The following FKRP variants were observed in gnomAD, a reference collection of about 807,000 sequenced individuals.
FKRP encodes the protein ribitol 5-phosphate transferase FKRP.
FKRP carries 25 observed loss-of-function variants against 30.6 expected under a neutral mutation model. That is an observed-to-expected ratio of 0.82 (90% CI 0.60 to 1.14). The LOEUF (loss-of-function observed/expected upper bound fraction) is 1.14, where lower values mean the gene tolerates loss of function less well. FKRP is among the 50% of genes most tolerant of loss of function. FKRP has a pLI of 0.00. For missense variants in FKRP, 771 were observed against 727.8 expected (o/e 1.06, Z -0.68); for synonymous variants, 358 against 342.5 (o/e 1.05, Z -0.50).
At chr19:46,754,094 T>G (rs1250921200) in intron 3 of FKRP, 1 of 152,296 alleles carries the variant, frequency 6.6e-6, no homozygotes, top group Admixed American at 6.6e-5. Flanking sequence ...GGTCTCACTC[T>G]TGTCCAGGCT....
chr19:46,756,145 C>T lies in FKRP; in HGVS notation c.695C>T (p.Ala232Val), dbSNP rs1340082198. 2.0e-6 allele frequency: 3 copies of T among 1,477,662 alleles called. No individual in the cohort carries two copies. The highest frequency in any genetic ancestry group is 2.7e-6 in the Non-Finnish European group (3 of 1,122,720). The allele number at this position is 1,477,662 out of a possible 1,614,324, so 91.5% of individuals were successfully genotyped here. Residue 232 changes from alanine to valine, a missense_variant, in exon 4 of 4, where the codon GCG becomes GTG. Transcript: ENST00000318584. This position sits in a 1 kb window ranked among gnomAD's most constrained non-coding sequence, Gnocchi z 6.6. The part of the protein sequence containing the change: ...LFLQTALRGW[A>V]VQLLDLTFAA... The stretch of plus-strand genomic sequence containing the variant: ...CTGCAGACCGCCCTTCGCGGCTGGG[C>T]GGTGCAGCTGCTGGACTTGACCTTC...
intron 1 of FKRP, chr19:46,746,462 G>C: frequency 1.0e-6 from 1 of 989,556 alleles, no homozygotes; most frequent in East Asian, 1.1e-4. Context: ...CGCGCCCGCT[G>C]TGCCTCGCGC....
chr19:46,755,724 G>T lies in FKRP; in HGVS notation c.274G>T (p.Ala92Ser), dbSNP rs1232466626. The change falls in exon 4 of 4, where the codon GCC (alanine) becomes TCC (serine). Residue 92 changes from alanine to serine, a missense_variant. Ala to Ser is a moderately conservative substitution (Grantham distance 99, BLOSUM62 1). Transcript: ENST00000318584. The part of the protein sequence containing the change: ...AADTLPYPPL[A>S]LPRIPNVRLA... ...CGACACGCTCCCCTACCCGCCCCTG[G>T]CCCTGCCCCGCATCCCCAACGTGCG... 4.5e-6 allele frequency: 7 copies of T among 1,572,816 alleles called. No individual in the cohort carries two copies. Among genetic ancestry groups the T allele is most frequent in the Non-Finnish European group, 6.0e-6 (7 of 1,166,708 alleles).
In FKRP at chr19:46,756,753, C is replaced by T; in HGVS notation, c.1303C>T (p.His435Tyr). 6.2e-7 allele frequency: 1 copy of T among 1,606,874 alleles called. No homozygotes were observed. The highest frequency in any genetic ancestry group is 2.2e-5 in the East Asian group (1 of 44,570). ...GVMTKDTWLD[H>Y]RQDVEFPEHF... ...CATGACCAAGGACACGTGGCTGGAC[C>T]ACCGGCAGGATGTGGAGTTTCCCGA... is the stretch of plus-strand genomic sequence containing the variant. The change falls in exon 4 of 4, where the codon CAC (histidine) becomes TAC (tyrosine). Residue 435 changes from histidine to tyrosine, a missense_variant. His to Tyr is a moderately conservative substitution (Grantham distance 83). Coordinates refer to ENST00000318584, the MANE Select transcript of FKRP (RefSeq NM_024301.5). The surrounding 1 kb of genome is among the most constrained non-coding windows in gnomAD (Gnocchi z 6.6).
In FKRP at chr19:46,756,100, C is replaced by A. The variant is rs1311771582; in HGVS notation, c.650C>A (p.Pro217Gln). Residue 217 changes from proline to glutamine, a missense_variant, in exon 4 of 4, where the codon CCG (proline) becomes CAG (glutamine). Transcript: ENST00000318584. The surrounding 1 kb of genome is among the most constrained non-coding windows in gnomAD (Gnocchi z 6.6). ...LFNLSAPLAR[P>Q]VGTSLFLQTA... Reference sequence around the variant, plus strand: ...AACCTCTCGGCGCCCCTGGCCCGGCCGGTGGGCACCAGCCTCTTTCTGCAG... The same window carrying A: ...AACCTCTCGGCGCCCCTGGCCCGGCAGGTGGGCACCAGCCTCTTTCTGCAG... The A allele has an allele frequency of 3.9e-6, 6 of 1,533,280 alleles. No individual in the cohort carries two copies. The highest frequency in any genetic ancestry group is 5.2e-6 in the Non-Finnish European group (6 of 1,149,602). 95.0% of individuals were successfully genotyped at this position (1,533,280 alleles called of 1,614,324 possible). A position where few individuals can be genotyped will look rare whatever the true frequency, so the allele number is the denominator to read the frequency against.
Position 46,746,070 on chromosome 19 carries a change from T to C in FKRP, c.-273T>C, listed in dbSNP as rs1289730762. The C allele has an allele frequency of 2.5e-6, 3 of 1,216,454 alleles. No individual in the cohort carries two copies. The highest frequency in any genetic ancestry group is 3.3e-5 in the African/African-American group (2 of 60,118). The allele number at this position is 1,216,454 out of a possible 1,614,324, so 75.4% of individuals were successfully genotyped here. ...CGTCCCGGCGGCCATTGCTCCAAGA[T>C]GGCGGCGGCGGCGGCAGCGGGTGAG... On this transcript the variant is annotated 5_prime_UTR_variant, in exon 1 of 4. The change abolishes an upstream ATG in the 5' untranslated region. Coordinates refer to ENST00000318584, the MANE Select transcript of FKRP (RefSeq NM_024301.5).
chr19:46,757,275 C>A lies in FKRP; in HGVS notation c.*337C>A. 4.6e-6 allele frequency: 2 copies of A among 439,174 alleles called. No homozygotes were observed. Among genetic ancestry groups the A allele is most frequent in the Non-Finnish European group, 8.8e-6 (2 of 227,294 alleles). The allele number at this position is 439,174 out of a possible 1,614,324, so 27.2% of individuals were successfully genotyped here. ...CAGCCCCAGACCCGAAAAAAGTGTT[C>A]TGCCCAAGATTCCGAGAGCCCTGCG... On this transcript the variant is annotated 3_prime_UTR_variant, in exon 4 of 4. Transcript: ENST00000318584.
chr19:46,746,137 G>A, intron 1 of FKRP, 47 bp downstream of exon 1: 2 of 1,504,188 alleles, frequency 1.3e-6, no homozygotes, highest in Non-Finnish European at 8.8e-7. Flanking sequence ...GGGGTCCCGG[G>A]ACAGCGCTCA....
intron 3 of FKRP, among the ~76,000 whole-genome samples, chr19:46,751,555 AT>A (rs1226341140): frequency 0.058 from 5,067 of 87,900 alleles, 86 homozygotes; most frequent in Middle Eastern, 0.13. Context: ...ACTTTTTTGT[AT>A]TTTTTTTTTT....
At chr19:46,746,309 G>C (rs749699244) in intron 1 of FKRP, 12 of 1,370,882 alleles carry the variant, frequency 8.8e-6, no homozygotes, top group Non-Finnish European at 1.1e-5. Context: ...TGCCGGGCCC[G>C]GCCCGGGGGC....
At position 46,753,233 on chromosome 19, in the gene FKRP, C is replaced by T. The variant is rs1040946382; in HGVS notation, c.-39-2179C>T. ...GTAATCCCAGCACTTTGGGAGGCCA[C>T]GGCGGGTGGATCACCTGAGGTCAGG... On this transcript the variant is annotated intron_variant, in intron 3 of 3. Transcript: ENST00000318584. Among the ~76,000 whole-genome samples the T allele has an allele frequency of 1.9e-4, 29 of 149,342 alleles. No individual in the cohort carries two copies. In the East Asian group the frequency reaches 4.4e-3, roughly 22 times the overall value.
At chr19:46,749,036 C>T (rs992744243) in intron 3 of FKRP, 1 of 152,248 alleles carries the variant, frequency 6.6e-6, no homozygotes, top group African/African-American at 2.4e-5. Flanking sequence ...AGCCACCACA[C>T]GTGGCCCTGT....
rs1364256798 is a variant in FKRP at position 46,755,670 on chromosome 19, G to A, written c.220G>A (p.Asp74Asn). Residue 74 changes from aspartate (D) to asparagine (N), a missense_variant, in exon 4 of 4, where the codon GAC becomes AAC. Transcript: ENST00000318584. ...GCTGGTAGACTCCTTCCTGCAGCAAGACCCAGCCCAGCCCGTGGTGGTGGC... is the reference window on the plus strand; with the variant it reads ...GCTGGTAGACTCCTTCCTGCAGCAAAACCCAGCCCAGCCCGTGGTGGTGGC... ...PELVDSFLQQ[D>N]PAQPVVVAAD... is the part of the protein sequence containing the mutation. The A allele has an allele frequency of 2.5e-6, 4 of 1,594,530 alleles. 1 individual carries two copies. The highest frequency in any genetic ancestry group is 2.2e-5 in the South Asian group (2 of 89,716).
At chr19:46,746,030 C>CG (rs2054587878), upstream of FKRP, 2 of 1,211,868 alleles carry the variant, frequency 1.7e-6, no homozygotes, top group Admixed American at 4.4e-5. Flanking sequence ...GGTCCCCTCC[C>CG]GCCCCCCCGC....
chr19:46,746,415 C>T (rs1488436565), intron 1 of FKRP: 3 of 1,039,940 alleles, frequency 2.9e-6, no homozygotes, highest in Non-Finnish European at 3.5e-6. Context: ...GCGGCGGCCG[C>T]TCGCTCCTCC....
chr19:46,745,340 A>G (rs1462268666), upstream of FKRP, among the ~76,000 whole-genome samples: 1 of 151,990 alleles, frequency 6.6e-6, no homozygotes, highest in Non-Finnish European at 1.5e-5. Flanking sequence ...TGCTCTGTCC[A>G]CACTTCCACT....
Position 46,755,810 on chromosome 19 carries a change from C to A in FKRP, c.360C>A (p.Tyr120Ter). ...RPAAASRPET[Y>*]VATEFVALVP... ...CCGCAGCCTCGCGCCCGGAGACCTA[C>A]GTGGCCACCGAGTTTGTGGCCCTAG... Residue 120 changes from tyrosine (Y) to a stop codon, truncating the protein, a stop_gained, in exon 4 of 4, where the codon TAC becomes TAA. Transcript: ENST00000318584. LOFTEE classifies it high-confidence loss of function. 1 of 1,513,020 alleles carries A rather than the reference C, an allele frequency of 6.6e-7. No individual in the cohort carries two copies. Among genetic ancestry groups the A allele is most frequent in the Non-Finnish European group, 8.8e-7 (1 of 1,133,456 alleles). The allele number at this position is 1,513,020 out of a possible 1,614,324, so 93.7% of individuals were successfully genotyped here.
In FKRP at chr19:46,757,221, G is replaced by T. The variant is rs542730640; in HGVS notation, c.*283G>T. ...CATCTCAGTCATGGAGGGAGACGGG[G>T]ATGTCACGCCGTCCCGCAGGGCCCA... On this transcript the variant is annotated 3_prime_UTR_variant, in exon 4 of 4. Coordinates refer to ENST00000318584, the MANE Select transcript of FKRP (RefSeq NM_024301.5). The T allele has an allele frequency of 3.6e-6, 2 of 560,990 alleles. No individual in the cohort carries two copies. Among genetic ancestry groups the T allele is most frequent in the Non-Finnish European group, 6.6e-6 (2 of 302,492 alleles). The allele number at this position is 560,990 out of a possible 1,614,324, so 34.8% of individuals were successfully genotyped here.
chr19:46,747,456 C>G (rs945091207), intron 1 of FKRP: 27 of 150,592 alleles, frequency 1.8e-4, no homozygotes, highest in African/African-American at 6.6e-4. Flanking sequence ...TGCAATGGCC[C>G]AATCTCGGCT....
Sources: allele counts gnomAD v4.1 joint callset (sites outside exome capture counted in the v4.1 genomes callset), GRCh38; gene constraint gnomAD v4.1.1; non-coding constraint Gnocchi (gnomAD v3.1); transcripts MANE v1.5; gene names NCBI Gene and HGNC (gene_info 2026-07-23, HGNC 2026-07-21).